CHSY3: variants seen among roughly 807,000 people sequenced by gnomAD.
CHSY3 encodes N-acetylgalactosaminyl-proteoglycan 3-beta-glucuronosyltransferase 3.
A neutral mutation model predicts 67.2 loss-of-function variants in CHSY3; 35 were observed. The ratio of observed to expected loss-of-function variants is 0.52; its 90% CI spans 0.40 to 0.69. The LOEUF (loss-of-function observed/expected upper bound fraction) is 0.69. Among genes scored for constraint, CHSY3 ranks in the 30% least tolerant of loss-of-function variants. The pLI is 0.00. For synonymous variants in CHSY3, 474 were observed against 434.7 expected, an observed-to-expected ratio of 1.09 and a Z score of -1.12; for missense variants, 1,069 against 1,138.5, an observed-to-expected ratio of 0.94 and a Z score of 0.88.
intron 2 of CHSY3, among the ~76,000 whole-genome samples, chr5:129,971,851 G>A (rs1762648246): frequency 6.6e-6 from 1 of 151,988 alleles, no homozygotes; most frequent in Non-Finnish European, 1.5e-5. Context: ...TTAGACATGA[G>A]ACTTGTCTCC....
intron 2 of CHSY3, among the ~76,000 whole-genome samples, chr5:130,109,079 G>A (rs1249771908): frequency 6.6e-6 from 1 of 151,604 alleles, no homozygotes; most frequent in Non-Finnish European, 1.5e-5. Context: ...AGGCACATCA[G>A]TGTCTAAAAA....
intron 2 of CHSY3, among the ~76,000 whole-genome samples, chr5:130,087,304 A>C (rs1029375611): frequency 6.6e-6 from 1 of 152,116 alleles, no homozygotes; most frequent in Non-Finnish European, 1.5e-5. Context: ...TTGAAAACTG[A>C]CACAAGACAG....
At position 130,184,213 on chromosome 5, in the gene CHSY3, T is replaced by A. The variant is rs764267674; in HGVS notation, c.1087-16T>A. The A allele has an allele frequency of 1.2e-5, 18 of 1,457,844 alleles. No individual in the cohort carries two copies. The highest frequency in any genetic ancestry group is 6.7e-5 in the South Asian group (4 of 59,302). 90.3% of individuals were successfully genotyped at this position (1,457,844 alleles called of 1,614,324 possible). Reference sequence around the variant, plus strand: ...CTTTTAAAATTAACCCTGATTTTTTTAATTTTACTTTTCAGATGCAACAAC... The same window carrying A: ...CTTTTAAAATTAACCCTGATTTTTTAAATTTTACTTTTCAGATGCAACAAC... On this transcript the variant is annotated splice_polypyrimidine_tract_variant and intron_variant, in intron 2 of 2. Transcript: ENST00000305031.
chr5:130,007,214 A>G (rs1763901372), intron 2 of CHSY3, among the ~76,000 whole-genome samples: 1 of 152,226 alleles, frequency 6.6e-6, no homozygotes, highest in South Asian at 2.1e-4. Context: ...ACATCCTCTT[A>G]CACATTTTTA....
chr5:130,116,137 C>A (rs905448533), intron 2 of CHSY3, among the ~76,000 whole-genome samples: 1 of 152,100 alleles, frequency 6.6e-6, no homozygotes, highest in Non-Finnish European at 1.5e-5. Flanking sequence ...TCTGAAAAAT[C>A]CTTTCTGGGA....
At chr5:130,116,622 C>A (rs1767812694) in intron 2 of CHSY3, among the ~76,000 whole-genome samples, 2 of 152,124 alleles carry the variant, frequency 1.3e-5, no homozygotes, top group South Asian at 2.1e-4. Flanking sequence ...TGGAGCGATT[C>A]CTGATTCATT....
chr5:129,923,658 G>C (rs1028587990), intron 2 of CHSY3, among the ~76,000 whole-genome samples: 3 of 152,168 alleles, frequency 2.0e-5, no homozygotes, highest in Non-Finnish European at 4.4e-5. Flanking sequence ...CTGCAGGAAA[G>C]AGTAGGTGGA....
intron 2 of CHSY3, among the ~76,000 whole-genome samples, chr5:129,982,431 C>T (rs1372885629): frequency 1.3e-5 from 2 of 152,060 alleles, no homozygotes; most frequent in East Asian, 3.9e-4. Flanking sequence ...TAAATTTGAA[C>T]ACATCCTTTT....
intron 2 of CHSY3, among the ~76,000 whole-genome samples, chr5:130,017,591 G>T (rs887992740): frequency 6.6e-6 from 1 of 151,912 alleles, no homozygotes; most frequent in Non-Finnish European, 1.5e-5. Flanking sequence ...AAATTTGACA[G>T]GCTTTTAAAA....
intron 2 of CHSY3, among the ~76,000 whole-genome samples, chr5:130,074,383 T>G (rs1766185599): frequency 6.6e-6 from 1 of 152,150 alleles, no homozygotes. Context: ...ACAACTTTTT[T>G]TAATAGTGTA....
At chr5:130,124,826 T>C (rs1768210382) in intron 2 of CHSY3, among the ~76,000 whole-genome samples, 1 of 152,156 alleles carries the variant, frequency 6.6e-6, no homozygotes, top group South Asian at 2.1e-4. Context: ...TTTGCACATG[T>C]ACCCCAGAAC....
chr5:130,043,855 C>A (rs970200546), intron 2 of CHSY3, among the ~76,000 whole-genome samples: 2 of 152,082 alleles, frequency 1.3e-5, no homozygotes, highest in Admixed American at 1.3e-4. Flanking sequence ...GATTTAATTA[C>A]AATTTAGTTC....
intron 2 of CHSY3, among the ~76,000 whole-genome samples, chr5:130,161,489 C>T (rs1168080218): frequency 6.6e-6 from 1 of 152,076 alleles, no homozygotes; most frequent in Non-Finnish European, 1.5e-5. Context: ...GGTTAATATA[C>T]TTTCTGGAAT....
chr5:130,155,154 C>A (rs1003265105), intron 2 of CHSY3, among the ~76,000 whole-genome samples: 5 of 152,172 alleles, frequency 3.3e-5, no homozygotes, highest in African/African-American at 1.2e-4. Context: ...GGTTTTAATT[C>A]TTCAGTATGC....
intron 2 of CHSY3, among the ~76,000 whole-genome samples, chr5:129,971,705 T>TA (rs897159201): frequency 9.2e-5 from 14 of 151,932 alleles, no homozygotes; most frequent in South Asian, 4.1e-4. Context: ...ACATTGCTTA[T>TA]AAAAAAATAG....
intron 2 of CHSY3, among the ~76,000 whole-genome samples, chr5:130,126,025 A>G (rs1036980226): frequency 1.3e-5 from 2 of 152,164 alleles, no homozygotes; most frequent in Admixed American, 6.5e-5. Flanking sequence ...AATAATACCT[A>G]GGATATGGTT....
intron 2 of CHSY3, among the ~76,000 whole-genome samples, chr5:129,954,024 T>A (rs1224398031): frequency 2.0e-5 from 3 of 152,222 alleles, no homozygotes; most frequent in Non-Finnish European, 4.4e-5. Flanking sequence ...TTACCACTGC[T>A]TTTGGTGTTT....
chr5:130,053,802 G>A (rs1342346075), intron 2 of CHSY3, among the ~76,000 whole-genome samples: 4 of 151,918 alleles, frequency 2.6e-5, no homozygotes, highest in Admixed American at 2.0e-4. Context: ...AAAATAAAAG[G>A]GTATGTTTAG....
intron 2 of CHSY3, among the ~76,000 whole-genome samples, chr5:129,915,475 TTAAAAAA>T (rs1158002145): frequency 6.6e-6 from 1 of 152,190 alleles, no homozygotes; most frequent in Admixed American, 6.5e-5. Flanking sequence ...AATAATGTGT[TTAAAAAA>T]TAAGCAGGCA....
Sources: allele counts gnomAD v4.1 joint callset (sites outside exome capture counted in the v4.1 genomes callset), GRCh38; gene constraint gnomAD v4.1.1; transcripts MANE v1.5; gene names NCBI Gene and HGNC (gene_info 2026-07-23, HGNC 2026-07-21).